The following YWHAE variants were observed in gnomAD, a reference collection of about 807,000 sequenced individuals.
The protein encoded by YWHAE is tyrosine 3-monooxygenase/tryptophan 5-monooxygenase activation protein epsilon.
Under a neutral mutation model 30.1 loss-of-function variants are expected in YWHAE, and 4 were observed. The observed-to-expected ratio is 0.13, with a 90% confidence interval of 0.07 to 0.30. The LOEUF (loss-of-function observed/expected upper bound fraction) is 0.30, where lower values mean the gene tolerates loss of function less well. Ranked by LOEUF, YWHAE falls within the 10% of genes least tolerant of loss-of-function variation. The pLI, the probability that YWHAE is intolerant of heterozygous loss-of-function variation, is 1.00. For synonymous variants in YWHAE, 118 were observed against 111.8 expected, an observed-to-expected ratio of 1.06 and a Z score of -0.35; for missense variants, 121 against 315.9, an observed-to-expected ratio of 0.38 and a Z score of 4.68.
At chr17:1,350,480 T>C (rs1248977165) in intron 5 of YWHAE, among the ~76,000 whole-genome samples, 5 of 152,244 alleles carry the variant, frequency 3.3e-5, no homozygotes, top group East Asian at 3.9e-4. Context: ...TTTGCTCTTG[T>C]TGCCCAGGCT....
rs1272270771 is a variant in YWHAE, at chr17:1,370,281, C to T, written c.65-5223G>A. On this transcript the variant is annotated intron_variant, in intron 1 of 5. Transcript: ENST00000264335. The stretch of plus-strand genomic sequence containing the variant: ...AGCTGGGACCACAGGCGCCCGTCAC[C>T]ATGCCCAGTGAATTTTTTTGTGTGT... 2.6e-5 allele frequency among the ~76,000 whole-genome samples: 4 copies of T among 151,770 alleles called. No individual in the cohort carries two copies. In the East Asian group the frequency reaches 5.8e-4, roughly 22 times the overall value.
At chr17:1,394,460 A>C (rs867676113) in intron 1 of YWHAE, among the ~76,000 whole-genome samples, 97 of 137,612 alleles carry the variant, frequency 7.0e-4, no homozygotes, top group African/African-American at 2.4e-3. Context: ...AAAAAAAAAA[A>C]ACACAAAAAT....
At chr17:1,365,669 A>G (rs1245014100) in intron 1 of YWHAE, among the ~76,000 whole-genome samples, 2 of 152,192 alleles carry the variant, frequency 1.3e-5, no homozygotes, top group African/African-American at 4.8e-5. Flanking sequence ...GCATAGGGAA[A>G]CACAACGGCG....
chr17:1,384,010 C>A (rs1378742719), intron 1 of YWHAE, among the ~76,000 whole-genome samples: 1 of 151,864 alleles, frequency 6.6e-6, no homozygotes. Context: ...TCAAGACCAA[C>A]CTGGCCAACA....
intron 1 of YWHAE, chr17:1,399,809 G>C: frequency 1.9e-5 from 2 of 106,488 alleles, no homozygotes; most frequent in South Asian, 2.0e-4. Flanking sequence ...CCTCCACCCC[G>C]TCGCCCCGGC....
chr17:1,359,552 A>C (rs1410771457), intron 4 of YWHAE, among the ~76,000 whole-genome samples: 3 of 152,154 alleles, frequency 2.0e-5, no homozygotes, highest in Non-Finnish European at 2.9e-5. Flanking sequence ...ATGCTTTTAC[A>C]TGGATAAAAA....
rs1223591996 is a variant in YWHAE at position 1,345,305 on chromosome 17, A to AAT, written c.*141_*142insAT. On this transcript the variant is annotated 3_prime_UTR_variant, in exon 6 of 6. Transcript: ENST00000264335. ...AAAACTGTTTAAAAAAAAAAAAAAA[A>AAT]AACCAACAGGGCAGGAACCTAAATT... The AAT allele has an allele frequency of 4.1e-5, 33 of 802,076 alleles. No homozygotes were observed. The Middle Eastern group carries it at 7.5e-4, about 18-fold the overall frequency. The allele number at this position is 802,076 out of a possible 1,614,324, so 49.7% of individuals were successfully genotyped here.
At chr17:1,364,178 A>G (rs7210877) in intron 2 of YWHAE, among the ~76,000 whole-genome samples, 63,465 of 150,330 alleles carry the variant, frequency 0.42, 13,635 homozygotes, top group Admixed American at 0.56. Flanking sequence ...ATCCTCAGGG[A>G]AAAAAAAAGA....
Position 1,361,963 on chromosome 17 carries a change from G to A in YWHAE, c.310C>T (p.Leu104=), listed in dbSNP as rs748738780. The part of the protein sequence containing the change: ...KLICCDILDV[L]DKHLIPAANT... The stretch of plus-strand genomic sequence containing the variant: ...GCTGCTGGAATGAGGTGTTTGTCCA[G>A]TACATCCAGAATGTCACAACAGATT... The change falls in exon 3 of 6, where the codon CTG becomes TTG. Residue 104 remains leucine, a synonymous_variant. Coordinates refer to ENST00000264335, the MANE Select transcript of YWHAE (RefSeq NM_006761.5). The A allele has an allele frequency of 6.8e-6, 11 of 1,606,392 alleles. No homozygotes were observed. The highest frequency in any genetic ancestry group is 2.2e-5 in the South Asian group (2 of 89,076).
chr17:1,381,235 C>T lies in YWHAE; in HGVS notation c.65-16177G>A, dbSNP rs560424543. Reference sequence around the variant, plus strand: ...TCCACTAAAAATACAAAAATTAGTCCGGGTGTGGTGGGATTACGCCTGTAA... The same window carrying T: ...TCCACTAAAAATACAAAAATTAGTCTGGGTGTGGTGGGATTACGCCTGTAA... On this transcript the variant is annotated intron_variant, in intron 1 of 5. Coordinates refer to ENST00000264335, the MANE Select transcript of YWHAE (RefSeq NM_006761.5). Among the ~76,000 whole-genome samples the T allele has an allele frequency of 1.6e-3, 250 of 152,218 alleles. 1 individual carries two copies. Among genetic ancestry groups the T allele is most frequent in the African/African-American group, 5.5e-3 (227 of 41,538 alleles).
chr17:1,356,380 T>G (rs1448305154), intron 4 of YWHAE, among the ~76,000 whole-genome samples: 1 of 152,028 alleles, frequency 6.6e-6, no homozygotes, highest in Non-Finnish European at 1.5e-5. Flanking sequence ...AGAAGAAGAA[T>G]GAAGTGCTAT....
At chr17:1,387,945 T>TTTTTTG (rs2073325202) in intron 1 of YWHAE, among the ~76,000 whole-genome samples, 1 of 143,238 alleles carries the variant, frequency 7.0e-6, no homozygotes, top group Admixed American at 7.0e-5. Flanking sequence ...TTTTTTTTTT[T>TTTTTTG]GACGGAGTCT....
At chr17:1,374,371 A>G (rs1598255466) in intron 1 of YWHAE, among the ~76,000 whole-genome samples, 5 of 152,026 alleles carry the variant, frequency 3.3e-5, no homozygotes, top group Admixed American at 2.6e-4. Context: ...GGTTGTTTCC[A>G]TTTTTGGACT....
chr17:1,379,685 A>G (rs4790084), intron 1 of YWHAE, among the ~76,000 whole-genome samples: 74,901 of 151,948 alleles, frequency 0.49, 19,805 homozygotes, highest in African/African-American at 0.68. Flanking sequence ...TACTCAATTA[A>G]GATGAGCAAA....
intron 1 of YWHAE, among the ~76,000 whole-genome samples, chr17:1,385,531 C>T (rs558653236): frequency 6.6e-6 from 1 of 152,216 alleles, no homozygotes; most frequent in African/African-American, 2.4e-5. Context: ...GGACCAGTTT[C>T]GTGGAAGACA....
At chr17:1,362,344 G>C (rs1024140944) in intron 2 of YWHAE, among the ~76,000 whole-genome samples, 2 of 152,050 alleles carry the variant, frequency 1.3e-5, no homozygotes, top group African/African-American at 4.8e-5. Flanking sequence ...GTAAATGCTG[G>C]TCAATTACAT....
chr17:1,385,680 C>T (rs1385312413), intron 1 of YWHAE, among the ~76,000 whole-genome samples: 1 of 152,104 alleles, frequency 6.6e-6, no homozygotes, highest in African/African-American at 2.4e-5. Context: ...AGGTGGCCTG[C>T]TCCTGAATTT....
rs569860429 is a variant in YWHAE at position 1,363,164 on chromosome 17, G to T, written c.265-1156C>A. On this transcript the variant is annotated intron_variant, in intron 2 of 5. Transcript: ENST00000264335. ...CTGCTCCATACTAGAAGTCTGAATTGCAACACTCCACTCTTGGCCCGTGGC... is the reference window on the plus strand; with the variant it reads ...CTGCTCCATACTAGAAGTCTGAATTTCAACACTCCACTCTTGGCCCGTGGC... Among the ~76,000 whole-genome samples, 5 of 152,242 alleles carry T rather than the reference G, an allele frequency of 3.3e-5. No individual in the cohort carries two copies. The East Asian group carries it at 7.7e-4, about 24-fold the overall frequency.
At chr17:1,355,689 C>A (rs984612208) in intron 4 of YWHAE, among the ~76,000 whole-genome samples, 1 of 152,046 alleles carries the variant, frequency 6.6e-6, no homozygotes, top group Admixed American at 6.6e-5. Flanking sequence ...TAATCTAAGT[C>A]CACATCAACT....
Sources: gnomAD v4.1 joint callset for allele counts (sites outside exome capture counted in the v4.1 genomes callset) on GRCh38, gnomAD v4.1.1 for gene constraint, MANE v1.5 for transcripts, NCBI Gene and HGNC (gene_info 2026-07-23, HGNC 2026-07-21) for gene names.